CEMIP2: variants seen among roughly 807,000 people sequenced by gnomAD.
CEMIP2 encodes the protein cell surface hyaluronidase CEMIP2.
In CEMIP2, 79 loss-of-function variants were observed where a neutral mutation model predicts 146.9. The ratio of observed to expected loss-of-function variants is 0.54; its 90% CI spans 0.45 to 0.65. CEMIP2 has a LOEUF of 0.65. Ranked by LOEUF, CEMIP2 falls within the 30% of genes least tolerant of loss-of-function variation. CEMIP2 has a pLI of 0.00. For synonymous variants in CEMIP2, 601 were observed against 606.3 expected, an observed-to-expected ratio of 0.99 and a Z score of 0.13; for missense variants, 1,596 against 1,696.2, an observed-to-expected ratio of 0.94 and a Z score of 1.04.
intron 1 of CEMIP2, among the ~76,000 whole-genome samples, chr9:71,757,976 T>C (rs1182157730): frequency 6.6e-6 from 1 of 152,214 alleles, no homozygotes; most frequent in East Asian, 1.9e-4. Context: ...GATTATGTAC[T>C]TAAATAACTA....
chr9:71,719,875 C>G (rs1392184300), intron 12 of CEMIP2, among the ~76,000 whole-genome samples: 1 of 133,536 alleles, frequency 7.5e-6, no homozygotes, highest in Non-Finnish European at 1.6e-5. Context: ...TACTATAAGG[C>G]AGCATCTGAT....
intron 21 of CEMIP2, among the ~76,000 whole-genome samples, chr9:71,690,659 T>TAC (rs748661309): frequency 9.9e-5 from 15 of 152,110 alleles, no homozygotes; most frequent in African/African-American, 2.4e-4. Flanking sequence ...CAGAAAAGAA[T>TAC]ACACACACAC....
At chr9:71,735,239 G>A (rs1823731046) in intron 5 of CEMIP2, among the ~76,000 whole-genome samples, 1 of 152,052 alleles carries the variant, frequency 6.6e-6, no homozygotes, top group Non-Finnish European at 1.5e-5. Flanking sequence ...AGGAACACAA[G>A]ATGTCACCTT....
At chr9:71,716,349 C>G (rs1190490746) in intron 14 of CEMIP2, among the ~76,000 whole-genome samples, 168 bp downstream of exon 14, 1 of 81,418 alleles carries the variant, frequency 1.2e-5, no homozygotes, top group African/African-American at 3.9e-5. Context: ...TCAATTAATC[C>G]AGAAAAAAAA....
chr9:71,706,516 T>G (rs1031274178), intron 17 of CEMIP2, among the ~76,000 whole-genome samples: 1 of 152,202 alleles, frequency 6.6e-6, no homozygotes, highest in Non-Finnish European at 1.5e-5. Context: ...TGATTTGTAA[T>G]ATAGATCAGG....
In CEMIP2 at chr9:71,683,549, C is replaced by CACACAA. The variant is rs35210493; in HGVS notation, c.*1647_*1648insTTGTGT. ...ACACACACACACACACACACACACA[C>CACACAA]ACTCTAATGACCTTCAGGAACCATA... On this transcript the variant is annotated 3_prime_UTR_variant, in exon 24 of 24. Transcript: ENST00000377044. 2 of 16,712 alleles carry CACACAA rather than the reference C, an allele frequency of 1.2e-4. No individual in the cohort carries two copies. The highest frequency in any genetic ancestry group is 1.8e-4 in the African/African-American group (1 of 5,544). The allele number at this position is 16,712 out of a possible 1,614,324, so 1.0% of individuals were successfully genotyped here.
At chr9:71,716,742 C>T (rs544231505) in intron 13 of CEMIP2, among the ~76,000 whole-genome samples, 190 bp from the exon 14 acceptor site, 76 of 152,292 alleles carry the variant, frequency 5.0e-4, no homozygotes, top group Admixed American at 3.7e-3. Flanking sequence ...AGTTCAAATC[C>T]GGGCTTTGTC....
rs182921235 is a variant in CEMIP2 at position 71,691,275 on chromosome 9, C to A, written c.3697-1029G>T. ...AACTCCATCTCTACTTAGAGATACA[C>A]CGGGCGTGGTGGTGCATGCCTGTGA... On this transcript the variant is annotated intron_variant, in intron 21 of 23. Transcript: ENST00000377044. 2.0e-3 allele frequency among the ~76,000 whole-genome samples: 298 copies of A among 151,042 alleles called. 1 individual carries two copies. The highest frequency in any genetic ancestry group is 5.5e-3 in the Admixed American group (84 of 15,184).
At chr9:71,715,651 T>A (rs1177922711) in intron 14 of CEMIP2, among the ~76,000 whole-genome samples, 7 of 144,254 alleles carry the variant, frequency 4.9e-5, no homozygotes, top group Non-Finnish European at 1.5e-5. Context: ...TATATATACT[T>A]TTTTTTTTTT....
At chr9:71,714,839 A>C (rs1240937509) in intron 15 of CEMIP2, 95 bp downstream of exon 15, 2 of 1,328,382 alleles carry the variant, frequency 1.5e-6, no homozygotes, top group South Asian at 1.5e-5. Context: ...CATGGTAGGA[A>C]CCAATCCATC....
At chr9:71,716,578 C>A in intron 13 of CEMIP2, 26 bp from the exon 14 acceptor site, 1 of 1,559,272 alleles carries the variant, frequency 6.4e-7, no homozygotes. Flanking sequence ...GAATGAAGAA[C>A]ATTTTAATTT....
At chr9:71,758,147 T>G (rs1159698310) in intron 1 of CEMIP2, among the ~76,000 whole-genome samples, 1 of 152,236 alleles carries the variant, frequency 6.6e-6, no homozygotes, top group African/African-American at 2.4e-5. Context: ...GCTAGGTCTA[T>G]ACATACAGCT....
At chr9:71,758,224 T>G (rs1445688297) in intron 1 of CEMIP2, among the ~76,000 whole-genome samples, 2 of 152,226 alleles carry the variant, frequency 1.3e-5, no homozygotes, top group Non-Finnish European at 2.9e-5. Flanking sequence ...TCTGCTCGAT[T>G]GTGTATTAGC....
intron 1 of CEMIP2, among the ~76,000 whole-genome samples, chr9:71,763,870 C>T (rs1824710419): frequency 1.3e-5 from 2 of 152,210 alleles, no homozygotes; most frequent in South Asian, 4.1e-4. Flanking sequence ...CTTAATTTAT[C>T]TCTGTATTGC....
chr9:71,714,153 T>C (rs1455892607), intron 15 of CEMIP2, among the ~76,000 whole-genome samples: 1 of 152,184 alleles, frequency 6.6e-6, no homozygotes, highest in African/African-American at 2.4e-5. Context: ...CCCAACATTC[T>C]GCGACAGCAC....
chr9:71,687,816 T>C (rs1003026022), intron 22 of CEMIP2, among the ~76,000 whole-genome samples: 1 of 152,142 alleles, frequency 6.6e-6, no homozygotes, highest in African/African-American at 2.4e-5. Flanking sequence ...CATTGAGCTG[T>C]GGACACATCA....
At chr9:71,717,925 A>G in intron 13 of CEMIP2, 23 bp downstream of exon 13, 1 of 1,591,686 alleles carries the variant, frequency 6.3e-7, no homozygotes, top group South Asian at 1.2e-5. Context: ...TCATCATATA[A>G]TAACTTGGTA....
At chr9:71,688,880 CCTT>C (rs1554679537) in intron 22 of CEMIP2, among the ~76,000 whole-genome samples, 1 of 152,174 alleles carries the variant, frequency 6.6e-6, no homozygotes, top group Non-Finnish European at 1.5e-5. Context: ...TTGCTCCATA[CCTT>C]CTTAACACTT....
At position 71,745,007 on chromosome 9, in the gene CEMIP2, G is replaced by C. The variant is rs767125795; in HGVS notation, c.1034+11C>G. 1.2e-6 allele frequency: 2 copies of C among 1,609,188 alleles called. No individual in the cohort carries two copies. Among genetic ancestry groups the C allele is most frequent in the Non-Finnish European group, 8.5e-7 (1 of 1,177,794 alleles). On this transcript the variant is annotated intron_variant, in intron 4 of 23. Transcript: ENST00000377044. ...GACTCTGATAGGGATCTGGGAAGAAGGTATGCCTACCTGTAGCCCAGTCCT... is the reference window on the plus strand; with the variant it reads ...GACTCTGATAGGGATCTGGGAAGAACGTATGCCTACCTGTAGCCCAGTCCT...
Sources: gnomAD v4.1 joint callset for allele counts (sites outside exome capture counted in the v4.1 genomes callset) on GRCh38, gnomAD v4.1.1 for gene constraint, MANE v1.5 for transcripts, NCBI Gene and HGNC (gene_info 2026-07-23, HGNC 2026-07-21) for gene names.